The following METTL15 variants were observed in gnomAD, a reference collection of about 807,000 sequenced individuals.
METTL15 encodes the protein 12S rRNA N(4)-cytidine methyltransferase METTL15.
METTL15 carries 34 observed loss-of-function variants against 38.3 expected under a neutral mutation model. The observed-to-expected ratio is 0.89, with a 90% CI of 0.68 to 1.18. METTL15 has a LOEUF of 1.18. METTL15 is among the 50% of genes most tolerant of loss of function. METTL15 has a pLI of 0.00. For synonymous variants in METTL15, 162 were observed against 170.9 expected (o/e 0.95, Z 0.41); for missense variants, 438 against 498.4 (o/e 0.88, Z 1.15).
chr11:28,397,072 C>G (rs907381135), intron 5 of METTL15, among the ~76,000 whole-genome samples: 38 of 152,124 alleles, frequency 2.5e-4, no homozygotes, highest in Admixed American at 1.8e-3. Flanking sequence ...CTTCCTTACA[C>G]TTTATACAAA....
intron 5 of METTL15, among the ~76,000 whole-genome samples, chr11:28,415,187 G>A (rs1037499351): frequency 4.6e-5 from 7 of 152,154 alleles, no homozygotes; most frequent in Non-Finnish European, 1.0e-4. Flanking sequence ...GGGAGAAATG[G>A]TTTTCTGTAG....
intron 4 of METTL15, among the ~76,000 whole-genome samples, chr11:28,358,873 C>G (rs1403363746): frequency 1.3e-5 from 2 of 152,176 alleles, no homozygotes; most frequent in Non-Finnish European, 2.9e-5. Flanking sequence ...TTGTTAGGGT[C>G]ACAGAGAAAA....
intron 5 of METTL15, among the ~76,000 whole-genome samples, chr11:28,402,022 C>G (rs868822978): frequency 4.6e-5 from 7 of 151,856 alleles, no homozygotes; most frequent in Middle Eastern, 3.2e-3. Context: ...TGCATGAAGC[C>G]TTCTAAAACC....
At chr11:28,239,463 T>G (rs1416040997) in intron 4 of METTL15, among the ~76,000 whole-genome samples, 1 of 152,210 alleles carries the variant, frequency 6.6e-6, no homozygotes, top group African/African-American at 2.4e-5. Context: ...ACCACCCTGG[T>G]CCAGGCCACC....
chr11:28,410,105 A>C (rs1041128465), intron 5 of METTL15, among the ~76,000 whole-genome samples: 28 of 152,288 alleles, frequency 1.8e-4, no homozygotes, highest in Admixed American at 3.3e-4. Flanking sequence ...ACAAATAAAG[A>C]GATTGAAGAG....
chr11:28,396,971 A>G (rs1185539132), intron 5 of METTL15, among the ~76,000 whole-genome samples: 2 of 99,660 alleles, frequency 2.0e-5, no homozygotes, highest in Non-Finnish European at 1.9e-5. Flanking sequence ...GACAAACCTG[A>G]GAAAAACAAA....
intron 5 of METTL15, among the ~76,000 whole-genome samples, chr11:28,403,465 CAAT>C (rs1850647315): frequency 6.6e-6 from 1 of 151,952 alleles, no homozygotes; most frequent in Non-Finnish European, 1.5e-5. Flanking sequence ...CAGTATCACA[CAAT>C]GATGTTCAGA....
intron 5 of METTL15, among the ~76,000 whole-genome samples, chr11:28,369,094 A>G (rs1237983197): frequency 6.6e-6 from 1 of 152,064 alleles, no homozygotes; most frequent in Non-Finnish European, 1.5e-5. Flanking sequence ...TGGCACCTGT[A>G]TACCTATGTA....
At chr11:28,262,752 G>T (rs1855259152) in intron 4 of METTL15, among the ~76,000 whole-genome samples, 2 of 152,000 alleles carry the variant, frequency 1.3e-5, no homozygotes, top group Non-Finnish European at 2.9e-5. Flanking sequence ...CTGTATAGTA[G>T]CCCACACCTT....
At chr11:28,512,538 G>C (rs1473624851) in intron 6 of METTL15, among the ~76,000 whole-genome samples, 1 of 152,204 alleles carries the variant, frequency 6.6e-6, no homozygotes, top group Non-Finnish European at 1.5e-5. Flanking sequence ...CGGCACTGCT[G>C]GGGGACCCAG....
intron 3 of METTL15, among the ~76,000 whole-genome samples, chr11:28,180,364 C>A (rs1347282734): frequency 1.3e-5 from 2 of 151,742 alleles, no homozygotes; most frequent in Admixed American, 6.6e-5. Flanking sequence ...ATAATCTGGC[C>A]AATTTTGTTG....
intron 5 of METTL15, among the ~76,000 whole-genome samples, chr11:28,293,179 A>C (rs1189098254): frequency 6.6e-6 from 1 of 152,154 alleles, no homozygotes; most frequent in Non-Finnish European, 1.5e-5. Context: ...TAAGGTTTTT[A>C]TGGTTTTAGG....
chr11:28,399,469 A>G (rs1850608571), intron 5 of METTL15, among the ~76,000 whole-genome samples: 1 of 151,970 alleles, frequency 6.6e-6, no homozygotes, highest in African/African-American at 2.4e-5. Flanking sequence ...AGACACACTC[A>G]TATTTGCATA....
chr11:28,433,743 G>A (rs547911293), intron 6 of METTL15, among the ~76,000 whole-genome samples: 1 of 152,054 alleles, frequency 6.6e-6, no homozygotes, highest in African/African-American at 2.4e-5. Flanking sequence ...GTAGATTAAT[G>A]ACTAGGTTGT....
intron 5 of METTL15, among the ~76,000 whole-genome samples, chr11:28,416,068 G>A (rs28564553): frequency 0.069 from 10,571 of 152,216 alleles, 554 homozygotes; most frequent in African/African-American, 0.14. Context: ...GAAATTACCT[G>A]GAAAGTCCAG....
intron 3 of METTL15, among the ~76,000 whole-genome samples, chr11:28,193,174 T>C (rs530471035): frequency 1.3e-5 from 2 of 152,208 alleles, no homozygotes; most frequent in Non-Finnish European, 1.5e-5. Flanking sequence ...CCAAATTCTT[T>C]AAAGGATATA....
chr11:28,120,251 CTTTT>C (rs111884031), intron 3 of METTL15, among the ~76,000 whole-genome samples: 1 of 136,856 alleles, frequency 7.3e-6, no homozygotes, highest in Non-Finnish European at 1.6e-5. Flanking sequence ...TGTGCCCAGC[CTTTT>C]TTTTTTTTTT....
intron 6 of METTL15, among the ~76,000 whole-genome samples, chr11:28,460,424 A>T (rs1176083916): frequency 6.6e-6 from 1 of 152,152 alleles, no homozygotes; most frequent in East Asian, 1.9e-4. Flanking sequence ...GGCCTAGCAC[A>T]GAACTGGATG....
intron 5 of METTL15, among the ~76,000 whole-genome samples, chr11:28,381,207 C>T (rs1463547942): frequency 1.3e-5 from 2 of 151,974 alleles, no homozygotes; most frequent in Admixed American, 6.6e-5. Context: ...TTATGCTGGC[C>T]AGGTTGGTCT....
Sources: allele counts gnomAD v4.1 joint callset (sites outside exome capture counted in the v4.1 genomes callset), GRCh38; gene constraint gnomAD v4.1.1; transcripts MANE v1.5; gene names NCBI Gene and HGNC (gene_info 2026-07-23, HGNC 2026-07-21).